Variants in LYPD6B observed in about 807,000 individuals in gnomAD.
The protein encoded by LYPD6B is ly6/PLAUR domain-containing protein 6B.
Under a neutral mutation model 22.8 loss-of-function variants are expected in LYPD6B, and 17 were observed. The ratio of observed to expected loss-of-function variants is 0.75; its 90% CI spans 0.51 to 1.12. The LOEUF (loss-of-function observed/expected upper bound fraction) is 1.12. Among genes scored for constraint, LYPD6B ranks in the 50% most tolerant of loss-of-function variants. The pLI is 0.00. For missense variants in LYPD6B, 221 were observed against 258.3 expected, an observed-to-expected ratio of 0.86 and a Z score of 0.99; for synonymous variants, 106 against 91.6, an observed-to-expected ratio of 1.16 and a Z score of -0.90.
At chr2:149,157,343 CA>C (rs771171739) in intron 2 of LYPD6B, among the ~76,000 whole-genome samples, 6 of 128,374 alleles carry the variant, frequency 4.7e-5, no homozygotes, top group Non-Finnish European at 1.1e-4. Flanking sequence ...AGGAGGAACT[CA>C]AGACTTAATT....
chr2:149,207,523 G>GA (rs899124463), intron 4 of LYPD6B, among the ~76,000 whole-genome samples: 135 of 143,766 alleles, frequency 9.4e-4, no homozygotes, highest in Non-Finnish European at 1.1e-3. Flanking sequence ...AAGGCCAAAA[G>GA]AAAAAAAAAA....
At chr2:149,187,534 C>T in intron 3 of LYPD6B, 1 of 1,464,118 alleles carries the variant, frequency 6.8e-7, no homozygotes, top group Non-Finnish European at 9.0e-7. Flanking sequence ...TCCCTGCGAG[C>T]AGGATCTCAG....
chr2:149,048,292 T>C (rs979303771), intron 1 of LYPD6B, among the ~76,000 whole-genome samples: 6 of 152,240 alleles, frequency 3.9e-5, no homozygotes, highest in African/African-American at 1.4e-4. Context: ...GTGTGAAGAT[T>C]GATCAATCTA....
intron 3 of LYPD6B, among the ~76,000 whole-genome samples, chr2:149,180,184 G>C (rs189140695): frequency 1.3e-5 from 2 of 152,304 alleles, no homozygotes; most frequent in African/African-American, 4.8e-5. Context: ...ATGTGAAAAG[G>C]TGTGGGGAAT....
chr2:149,089,438 T>C (rs11886160), intron 1 of LYPD6B, among the ~76,000 whole-genome samples: 45,911 of 152,022 alleles, frequency 0.3, 7,709 homozygotes, highest in Non-Finnish European at 0.36. Flanking sequence ...TTGCCAGCCC[T>C]CTACTCTATC....
At chr2:149,163,770 A>C (rs1023828105) in intron 3 of LYPD6B, among the ~76,000 whole-genome samples, 1 of 152,178 alleles carries the variant, frequency 6.6e-6, no homozygotes, top group Non-Finnish European at 1.5e-5. Flanking sequence ...CTTAGAATGT[A>C]ATCATTCTCT....
intron 1 of LYPD6B, chr2:149,119,112 G>C (rs1248509244): frequency 1.3e-5 from 2 of 152,096 alleles, no homozygotes; most frequent in East Asian, 3.9e-4. Flanking sequence ...GATTATCGCG[G>C]AACACCTGCC....
intron 1 of LYPD6B, among the ~76,000 whole-genome samples, chr2:149,054,264 T>G (rs2105296613): frequency 6.6e-6 from 1 of 152,376 alleles, no homozygotes; most frequent in Non-Finnish European, 1.5e-5. Context: ...ATGATTTTTT[T>G]GTCAATCTTT....
intron 1 of LYPD6B, chr2:149,118,032 A>T (rs966781257): frequency 6.6e-6 from 1 of 152,118 alleles, no homozygotes; most frequent in Non-Finnish European, 1.5e-5. Context: ...GAGTGTCCTC[A>T]TGATGTGGTG....
At chr2:149,103,886 C>T (rs749942873) in intron 1 of LYPD6B, among the ~76,000 whole-genome samples, 17 of 147,448 alleles carry the variant, frequency 1.2e-4, no homozygotes, top group South Asian at 4.3e-4. Context: ...AAGCAATTCT[C>T]CTGCCTCAGC....
intron 3 of LYPD6B, among the ~76,000 whole-genome samples, chr2:149,201,949 C>T (rs1693187302): frequency 6.6e-6 from 1 of 152,130 alleles, no homozygotes; most frequent in Admixed American, 6.6e-5. Flanking sequence ...ACCACGGTTT[C>T]CTCACTTGTA....
intron 1 of LYPD6B, among the ~76,000 whole-genome samples, chr2:149,090,484 G>A (rs567494053): frequency 6.6e-6 from 1 of 152,102 alleles, no homozygotes; most frequent in Non-Finnish European, 1.5e-5. Context: ...GAGGTCAGAG[G>A]TATTCATAGA....
intron 3 of LYPD6B, among the ~76,000 whole-genome samples, chr2:149,183,238 A>G (rs1036272818): frequency 1.3e-5 from 2 of 152,176 alleles, no homozygotes; most frequent in Admixed American, 6.5e-5. Flanking sequence ...AGAAATGGAG[A>G]TAGAAGAGCT....
intron 1 of LYPD6B, among the ~76,000 whole-genome samples, chr2:149,122,232 C>T (rs1389941807): frequency 6.6e-6 from 1 of 152,104 alleles, no homozygotes; most frequent in East Asian, 1.9e-4. Flanking sequence ...GAGATCGTGT[C>T]ACAAGTCTGT....
intron 2 of LYPD6B, 98 bp from the exon 3 acceptor site, chr2:149,160,666 C>T: frequency 3.6e-6 from 3 of 839,052 alleles, no homozygotes; most frequent in Non-Finnish European, 5.9e-6. Context: ...CTCCAAACAT[C>T]CAGAAACCTG....
chr2:149,132,188 A>T (rs1183136417), intron 2 of LYPD6B, among the ~76,000 whole-genome samples: 1 of 151,324 alleles, frequency 6.6e-6, no homozygotes, highest in Non-Finnish European at 1.5e-5. Flanking sequence ...CCTAGAATGA[A>T]GTTTATTTTT....
chr2:149,073,035 A>T (rs1684694180), intron 1 of LYPD6B, among the ~76,000 whole-genome samples: 1 of 152,156 alleles, frequency 6.6e-6, no homozygotes. Context: ...ATGGCTGGAG[A>T]ATAGTGAGCA....
chr2:149,045,972 C>G (rs951645148), intron 1 of LYPD6B, among the ~76,000 whole-genome samples: 2 of 152,040 alleles, frequency 1.3e-5, no homozygotes, highest in African/African-American at 4.8e-5. Flanking sequence ...TCTCTATAAC[C>G]AAGAGAGGAA....
intron 3 of LYPD6B, among the ~76,000 whole-genome samples, chr2:149,181,888 C>T (rs970914974): frequency 4.6e-5 from 7 of 152,170 alleles, no homozygotes; most frequent in African/African-American, 9.7e-5. Context: ...ATTCTTCTTT[C>T]TTCTCCCTCC....
Sources: allele counts gnomAD v4.1 joint callset (sites outside exome capture counted in the v4.1 genomes callset), GRCh38; gene constraint gnomAD v4.1.1; transcripts MANE v1.5; gene names NCBI Gene and HGNC (gene_info 2026-07-23, HGNC 2026-07-21).